KDM4C: variants seen among roughly 807,000 people sequenced by gnomAD.
The protein encoded by KDM4C is lysine demethylase 4C.
A neutral mutation model predicts 129.3 loss-of-function variants in KDM4C; 81 were observed. The observed-to-expected ratio is 0.63, with a 90% CI of 0.52 to 0.75. The LOEUF (loss-of-function observed/expected upper bound fraction) is 0.75, where lower values mean the gene tolerates loss of function less well. Among genes scored for constraint, KDM4C ranks in the 30% least tolerant of loss-of-function variants. KDM4C has a pLI of 0.00. For synonymous variants in KDM4C, 573 were observed against 456.1 expected (o/e 1.26, Z -3.26); for missense variants, 1,457 against 1,304.0 (o/e 1.12, Z -1.81).
chr9:6,822,937 T>C (rs1463292757), intron 4 of KDM4C, among the ~76,000 whole-genome samples: 3 of 152,260 alleles, frequency 2.0e-5, no homozygotes, highest in Admixed American at 1.3e-4. Context: ...GCATTACCTA[T>C]GTTAGTACAG....
intron 19 of KDM4C, among the ~76,000 whole-genome samples, chr9:7,161,466 C>A (rs1843785114): frequency 6.6e-6 from 1 of 152,156 alleles, no homozygotes; most frequent in South Asian, 2.1e-4. Context: ...ATCTTCCAGA[C>A]CTTTTATTTT....
At chr9:6,980,591 C>T (rs1266715693) in intron 8 of KDM4C, among the ~76,000 whole-genome samples, 1 of 152,144 alleles carries the variant, frequency 6.6e-6, no homozygotes, top group Non-Finnish European at 1.5e-5. Flanking sequence ...CCTTTTAGCG[C>T]TCAGTTCATT....
intron 4 of KDM4C, among the ~76,000 whole-genome samples, chr9:6,830,885 G>C (rs1834698108): frequency 6.6e-6 from 1 of 152,136 alleles, no homozygotes; most frequent in Admixed American, 6.5e-5. Flanking sequence ...AAGCAAGGTG[G>C]AAAAAACCAA....
chr9:6,835,431 C>A (rs543390113), intron 4 of KDM4C: 1 of 1,175,490 alleles, frequency 8.5e-7, no homozygotes, highest in Non-Finnish European at 1.3e-6. Flanking sequence ...CGATGAAGAT[C>A]AAGATCATTG....
intron 19 of KDM4C, among the ~76,000 whole-genome samples, chr9:7,164,061 C>T (rs10815532): frequency 0.51 from 77,442 of 152,008 alleles, 20,723 homozygotes; most frequent in Non-Finnish European, 0.6. Context: ...TAAATACTTC[C>T]TGTGTATGCC....
In KDM4C at chr9:7,128,159, G is replaced by T. The variant is rs1402187432; in HGVS notation, c.2704G>T (p.Val902Leu). 15 of 1,613,192 alleles carry T rather than the reference G, an allele frequency of 9.3e-6. No homozygotes were observed. Among genetic ancestry groups the T allele is most frequent in the Non-Finnish European group, 1.3e-5 (15 of 1,179,634 alleles). ...TRYYSCRVMAVTSQTFYEVMF... is the reference protein window; with the variant it reads ...TRYYSCRVMALTSQTFYEVMF... ...GTATTACAGTTGCAGAGTGATGGCT[G>T]TGACATCGCAGACCTTCTATGAGGT... Residue 902 changes from valine to leucine, a missense_variant, in exon 19 of 22, where the codon GTG (valine) becomes TTG (leucine). Coordinates refer to ENST00000381309, the MANE Select transcript of KDM4C (RefSeq NM_015061.6).
intron 4 of KDM4C, among the ~76,000 whole-genome samples, chr9:6,839,760 G>A (rs1485319014): frequency 6.6e-6 from 1 of 151,900 alleles, no homozygotes; most frequent in African/African-American, 2.4e-5. Context: ...AAATTAGCTG[G>A]GTGTGGTGGC....
At chr9:6,889,250 T>TGTGTGTGTGTG (rs1554627898) in intron 7 of KDM4C, among the ~76,000 whole-genome samples, 1 of 28,214 alleles carries the variant, frequency 3.5e-5, no homozygotes, top group Non-Finnish European at 8.0e-5. Context: ...TGTGTGTGTG[T>TGTGTGTGTGTG]GGGAGGGTGG....
At chr9:7,059,857 A>G (rs1052094559) in intron 17 of KDM4C, among the ~76,000 whole-genome samples, 2 of 152,138 alleles carry the variant, frequency 1.3e-5, no homozygotes, top group Non-Finnish European at 2.9e-5. Context: ...TTATTTTTAA[A>G]TGAATTCATA....
At position 6,854,266 on chromosome 9, in the gene KDM4C, C is replaced by T. The variant is rs143377208; in HGVS notation, c.629+4566C>T. ...ACTTTCGACTGGGTGCGGTGGCTCACGCCTGTAATCCCAGCACTTTGGGAG... is the reference window on the plus strand; with the variant it reads ...ACTTTCGACTGGGTGCGGTGGCTCATGCCTGTAATCCCAGCACTTTGGGAG... On this transcript the variant is annotated intron_variant, in intron 5 of 21. Transcript: ENST00000381309. Among the ~76,000 whole-genome samples the T allele has an allele frequency of 9.1e-3, 1,389 of 152,064 alleles. 20 individuals are homozygous for T. Among genetic ancestry groups the T allele is most frequent in the African/African-American group, 0.032 (1,307 of 41,484 alleles).
At chr9:6,980,373 G>C (rs1398795670) in intron 8 of KDM4C, among the ~76,000 whole-genome samples, 1 of 152,088 alleles carries the variant, frequency 6.6e-6, no homozygotes, top group South Asian at 2.1e-4. Flanking sequence ...GTTGTTGATG[G>C]TATTGGATGT....
intron 18 of KDM4C, among the ~76,000 whole-genome samples, chr9:7,126,246 A>G (rs1840016554): frequency 1.3e-5 from 2 of 152,264 alleles, no homozygotes; most frequent in Non-Finnish European, 1.5e-5. Flanking sequence ...GGAGTCTACA[A>G]TTCATGCCCA....
chr9:6,846,606 CTT>C (rs761939582), intron 4 of KDM4C, among the ~76,000 whole-genome samples: 7 of 152,144 alleles, frequency 4.6e-5, no homozygotes, highest in African/African-American at 4.8e-5. Flanking sequence ...AATTATATGA[CTT>C]TTTATTTTAG....
intron 4 of KDM4C, among the ~76,000 whole-genome samples, chr9:6,827,990 T>C (rs1241755873): frequency 6.6e-6 from 1 of 152,162 alleles, no homozygotes; most frequent in East Asian, 1.9e-4. Context: ...TTCTAGAAGC[T>C]GTGTTTTCAG....
intron 17 of KDM4C, among the ~76,000 whole-genome samples, chr9:7,088,866 C>G (rs1048974675): frequency 2.0e-5 from 3 of 151,718 alleles, no homozygotes; most frequent in Non-Finnish European, 4.4e-5. Flanking sequence ...AAAAAAAAAG[C>G]TGTTTCCATA....
intron 12 of KDM4C, among the ~76,000 whole-genome samples, chr9:6,996,108 T>C (rs866870368): frequency 6.6e-6 from 1 of 152,262 alleles, no homozygotes; most frequent in Non-Finnish European, 1.5e-5. Flanking sequence ...AGGTAATTAA[T>C]TTCTCATCCC....
intron 17 of KDM4C, among the ~76,000 whole-genome samples, chr9:7,083,426 G>T (rs573863298): frequency 1.3e-5 from 2 of 152,172 alleles, no homozygotes; most frequent in Non-Finnish European, 2.9e-5. Context: ...GCATCATTAC[G>T]CAGTTTTGTC....
At chr9:7,169,949 A>G in intron 21 of KDM4C, 59 bp downstream of exon 21, 1 of 1,610,136 alleles carries the variant, frequency 6.2e-7, no homozygotes, top group Non-Finnish European at 8.5e-7. Context: ...TCCTCACCTC[A>G]TGTTTCCCAA....
intron 21 of KDM4C, 60 bp from the exon 22 acceptor site, chr9:7,174,493 T>C (rs1845265808): frequency 2.0e-6 from 3 of 1,514,430 alleles, no homozygotes; most frequent in Non-Finnish European, 2.7e-6. Context: ...CAGATCTTTG[T>C]CCAGTGTTCT....
Sources: allele counts gnomAD v4.1 joint callset (sites outside exome capture counted in the v4.1 genomes callset), GRCh38; gene constraint gnomAD v4.1.1; transcripts MANE v1.5; gene names NCBI Gene and HGNC (gene_info 2026-07-23, HGNC 2026-07-21).